LRIF1: variants seen among roughly 807,000 people sequenced by gnomAD.
LRIF1 encodes the protein ligand-dependent nuclear receptor-interacting factor 1.
In LRIF1, 32 loss-of-function variants were observed where a neutral mutation model predicts 52.7. The ratio of observed to expected loss-of-function variants is 0.61; its 90% CI spans 0.46 to 0.82. The LOEUF is 0.82. Ranked by LOEUF, LRIF1 falls within the 40% of genes least tolerant of loss-of-function variation. The pLI, the probability that LRIF1 is intolerant of heterozygous loss-of-function variation, is 0.00. For synonymous variants in LRIF1, 323 were observed against 317.4 expected (o/e 1.02, Z -0.19); for missense variants, 887 against 892.0 (o/e 0.99, Z 0.07).
At chr1:110,923,410 A>G in the LRIF1 span, among the ~76,000 whole-genome samples, 1 of 152,182 alleles carries the variant, frequency 6.6e-6, no homozygotes, top group Non-Finnish European at 1.5e-5. Context: ...TCTTTGGGGA[A>G]GGGGCATTAT....
chr1:110,948,844 T>C lies in LRIF1; in HGVS notation c.1870-445A>G, dbSNP rs114330109. On this transcript the variant is annotated intron_variant, in intron 3 of 3. Transcript: ENST00000369763. ...AGTCAAAGTATAACAGTAGGCAAAG[T>C]TATAGACATTTCTTTTTATCATTAT... Among the ~76,000 whole-genome samples, 1,303 of 152,268 alleles carry C rather than the reference T, an allele frequency of 8.6e-3. 12 individuals are homozygous for C. Among genetic ancestry groups the C allele is most frequent in the Non-Finnish European group, 0.013 (883 of 68,008 alleles).
rs574087213 is a variant in LRIF1, at chr1:110,950,309, T to G, written c.1597-186A>C. On this transcript the variant is annotated intron_variant, in intron 2 of 3. Coordinates refer to ENST00000369763, the MANE Select transcript of LRIF1 (RefSeq NM_018372.4). Reference sequence around the variant, plus strand: ...TATAAGGAAGTACAAACTTAAAATATTCCCCCCTACAATTTCTCAATTAAT... The same window carrying G: ...TATAAGGAAGTACAAACTTAAAATAGTCCCCCCTACAATTTCTCAATTAAT... Among the ~76,000 whole-genome samples the G allele has an allele frequency of 2.0e-5, 3 of 152,212 alleles. No individual in the cohort carries two copies. In the East Asian group the frequency reaches 5.8e-4, roughly 29 times the overall value.
At chr1:110,946,180 TACA>T (rs1274550537), downstream of LRIF1, among the ~76,000 whole-genome samples, 1 of 152,194 alleles carries the variant, frequency 6.6e-6, no homozygotes, top group African/African-American at 2.4e-5. Flanking sequence ...TGATAAATGC[TACA>T]ACATGGATAA....
Position 110,952,346 on chromosome 1 carries a change from G to A in LRIF1, c.538C>T (p.Pro180Ser). ...LPVTVKSPVLPSGHHLQIPAH... is the reference protein window; with the variant it reads ...LPVTVKSPVLSSGHHLQIPAH... ...GGAATCTGTAAATGATGCCCAGAAG[G>A]CAAAACTGGAGACTTCACAGTCACT... The change falls in exon 2 of 4, where the codon CCT becomes TCT. Residue 180 changes from proline to serine, a missense_variant. Transcript: ENST00000369763. 6.2e-7 allele frequency: 1 copy of A among 1,614,020 alleles called. No homozygotes were observed. The highest frequency in any genetic ancestry group is 8.5e-7 in the Non-Finnish European group (1 of 1,179,930).
the LRIF1 span, among the ~76,000 whole-genome samples, chr1:110,876,924 A>G: frequency 1.3e-5 from 2 of 152,152 alleles, no homozygotes; most frequent in Admixed American, 1.3e-4. Context: ...TAGTAATTTG[A>G]TTGATGCCCT....
chr1:110,948,720 C>G (rs1288257145), intron 3 of LRIF1, among the ~76,000 whole-genome samples: 4 of 151,896 alleles, frequency 2.6e-5, no homozygotes, highest in African/African-American at 9.7e-5. Flanking sequence ...TTTTTCTTTT[C>G]CTTTGCACAG....
the LRIF1 span, chr1:110,939,885 T>C: frequency 1.3e-5 from 2 of 152,164 alleles, no homozygotes; most frequent in African/African-American, 4.8e-5. Context: ...GAAACTACTA[T>C]AAGAAAACAT....
At chr1:110,948,564 G>A (rs1447655459) in intron 3 of LRIF1, among the ~76,000 whole-genome samples, 165 bp from the exon 4 acceptor site, 1 of 152,110 alleles carries the variant, frequency 6.6e-6, no homozygotes, top group Non-Finnish European at 1.5e-5. Flanking sequence ...CCCACTGTAT[G>A]GTACCAAAAT....
chr1:110,883,167 T>C, the LRIF1 span, among the ~76,000 whole-genome samples: 22 of 151,976 alleles, frequency 1.4e-4, no homozygotes, highest in Non-Finnish European at 2.9e-4. Context: ...GTTATACCAT[T>C]AAGTATGATG....
chr1:110,952,021 G>A lies in LRIF1; in HGVS notation c.863C>T (p.Pro288Leu), dbSNP rs1333888142. Residue 288 changes from proline (P) to leucine (L), a missense_variant, in exon 2 of 4, where the codon CCA becomes CTA. Physicochemically the swap from Pro to Leu is moderately conservative, Grantham distance 98. Transcript: ENST00000369763. ...ATTATCTTGGAAAATCCATTTCACT[G>A]GAGCAGCTTGAGAATGCTGACCACC... ...LKGGQHSQAAPVKWIFQDNLQ... is the reference protein window; with the variant it reads ...LKGGQHSQAALVKWIFQDNLQ... 1.2e-6 allele frequency: 2 copies of A among 1,614,126 alleles called. No individual in the cohort carries two copies. The highest frequency in any genetic ancestry group is 3.3e-5 in the Admixed American group (2 of 60,014).
At chr1:110,914,904 T>C in the LRIF1 span, among the ~76,000 whole-genome samples, 3 of 152,218 alleles carry the variant, frequency 2.0e-5, no homozygotes, top group Non-Finnish European at 2.9e-5. Flanking sequence ...AGTATGTCAT[T>C]ACATAGTAGA....
At chr1:110,890,975 A>G in the LRIF1 span, among the ~76,000 whole-genome samples, 1 of 152,262 alleles carries the variant, frequency 6.6e-6, no homozygotes, top group Non-Finnish European at 1.5e-5. Context: ...TATTTAAGAA[A>G]CTGGCTGATC....
the LRIF1 span, among the ~76,000 whole-genome samples, chr1:110,921,567 A>G: frequency 6.6e-6 from 1 of 152,232 alleles, no homozygotes; most frequent in African/African-American, 2.4e-5. Context: ...TAACATTATT[A>G]TAAGTGAAAG....
chr1:110,914,283 C>T, the LRIF1 span, among the ~76,000 whole-genome samples: 1 of 151,858 alleles, frequency 6.6e-6, no homozygotes, highest in African/African-American at 2.4e-5. Context: ...AACAAACCTG[C>T]GCATGTATCC....
the LRIF1 span, chr1:110,941,987 T>G: frequency 1.3e-5 from 2 of 152,114 alleles, no homozygotes; most frequent in Non-Finnish European, 2.9e-5. Flanking sequence ...GATACTCTTT[T>G]GTGCTTTGCT....
At chr1:110,915,442 A>T in the LRIF1 span, among the ~76,000 whole-genome samples, 5 of 152,108 alleles carry the variant, frequency 3.3e-5, no homozygotes, top group Non-Finnish European at 7.4e-5. Flanking sequence ...GAGCCGAGAT[A>T]GCGCCAATGC....
At position 110,948,418 on chromosome 1, in the gene LRIF1, T is replaced by A. The variant is rs761494634; in HGVS notation, c.1870-19A>T. 1.1e-5 allele frequency: 18 copies of A among 1,592,580 alleles called. No individual in the cohort carries two copies. Among genetic ancestry groups the A allele is most frequent in the Non-Finnish European group, 1.4e-5 (16 of 1,168,056 alleles). On this transcript the variant is annotated intron_variant, in intron 3 of 3. Transcript: ENST00000369763. ...AATTCTGCTGCAATATTGAATAACA[T>A]TCCAAAACAAAAACGAAATGTTACT...
the LRIF1 span, among the ~76,000 whole-genome samples, chr1:110,893,592 G>T: frequency 6.6e-6 from 1 of 152,238 alleles, no homozygotes; most frequent in African/African-American, 2.4e-5. Context: ...AAAGTGTTGG[G>T]ATTATAGGCG....
chr1:110,882,601 C>T, the LRIF1 span, among the ~76,000 whole-genome samples: 11 of 152,014 alleles, frequency 7.2e-5, no homozygotes. Flanking sequence ...TTGAAGCCTA[C>T]AAAAAATTCT....
Sources: allele counts gnomAD v4.1 joint callset (sites outside exome capture counted in the v4.1 genomes callset), GRCh38; gene constraint gnomAD v4.1.1; transcripts MANE v1.5; gene names NCBI Gene and HGNC (gene_info 2026-07-23, HGNC 2026-07-21).